PDE3A: variants seen among roughly 807,000 people sequenced by gnomAD.
PDE3A encodes the protein phosphodiesterase 3A, also known as cGMP-inhibited 3',5'-cyclic phosphodiesterase 3A.
PDE3A carries 43 observed loss-of-function variants against 98.3 expected under a neutral mutation model. The ratio of observed to expected loss-of-function variants is 0.44; its 90% confidence interval spans 0.34 to 0.56. The LOEUF (loss-of-function observed/expected upper bound fraction) is 0.56. Among genes scored for constraint, PDE3A ranks in the 20% least tolerant of loss-of-function variants. The pLI is 0.01. For missense variants in PDE3A, 1,427 were observed against 1,440.7 expected, an observed-to-expected ratio of 0.99 and a Z score of 0.15; for synonymous variants, 663 against 567.9, an observed-to-expected ratio of 1.17 and a Z score of -2.38.
At chr12:20,653,314 C>CA (rs1944963860) in intron 14 of PDE3A, among the ~76,000 whole-genome samples, 2 of 150,038 alleles carry the variant, frequency 1.3e-5, no homozygotes, top group African/African-American at 4.9e-5. Flanking sequence ...GAAGCCAAAG[C>CA]AAAAAAAGGA....
chr12:20,611,910 T>A (rs544602511), intron 2 of PDE3A, among the ~76,000 whole-genome samples: 20 of 150,678 alleles, frequency 1.3e-4, no homozygotes, highest in South Asian at 8.3e-4. Flanking sequence ...AAAAAAAAAA[T>A]TTATCTACTT....
chr12:20,530,831 T>C (rs1172793321), intron 1 of PDE3A, among the ~76,000 whole-genome samples: 1 of 152,232 alleles, frequency 6.6e-6, no homozygotes, highest in African/African-American at 2.4e-5. Flanking sequence ...GTTCTTTTTG[T>C]AGAAATTAAT....
chr12:20,437,623 A>C (rs1168851759), intron 1 of PDE3A, among the ~76,000 whole-genome samples: 1 of 152,070 alleles, frequency 6.6e-6, no homozygotes. Flanking sequence ...GGTGCCACAC[A>C]CTCGTAAACA....
chr12:20,444,415 C>G (rs1420856799), intron 1 of PDE3A, among the ~76,000 whole-genome samples: 1 of 152,092 alleles, frequency 6.6e-6, no homozygotes, highest in Non-Finnish European at 1.5e-5. Context: ...ATTCAAAAAC[C>G]AAAACCAAAC....
chr12:20,445,061 A>G (rs1397955178), intron 1 of PDE3A, among the ~76,000 whole-genome samples: 1 of 152,192 alleles, frequency 6.6e-6, no homozygotes, highest in Non-Finnish European at 1.5e-5. Context: ...CTAGTAAAAT[A>G]ACTCCAAAGC....
rs758438564 is a variant in PDE3A at position 20,467,872 on chromosome 12, T to C, written c.961-88788T>C. Among the ~76,000 whole-genome samples, 9 of 123,506 alleles carry C rather than the reference T, an allele frequency of 7.3e-5. No homozygotes were observed. In the South Asian group the frequency reaches 1.6e-3, roughly 23 times the overall value. 81.0% of individuals were successfully genotyped at this position (123,506 alleles called of 152,430 possible). On this transcript the variant is annotated intron_variant, in intron 1 of 15. Transcript: ENST00000359062. ...ATCACTTGAACCCGGGAGGCGGAGG[T>C]TGCAGTGAGCTGAGATTGGGCCACT...
At chr12:20,572,470 A>G (rs915713230) in intron 2 of PDE3A, among the ~76,000 whole-genome samples, 10 of 152,060 alleles carry the variant, frequency 6.6e-5, no homozygotes, top group Middle Eastern at 3.2e-3. Context: ...TAAACTCCCA[A>G]ATGAAAACCA....
intron 1 of PDE3A, among the ~76,000 whole-genome samples, chr12:20,425,362 G>C (rs1015758887): frequency 4.6e-5 from 7 of 152,000 alleles, no homozygotes; most frequent in Non-Finnish European, 1.0e-4. Flanking sequence ...CTCAACATGT[G>C]TCTCTTTAAA....
chr12:20,529,047 A>G (rs984937812), intron 1 of PDE3A, among the ~76,000 whole-genome samples: 4 of 152,172 alleles, frequency 2.6e-5, no homozygotes, highest in Admixed American at 6.5e-5. Flanking sequence ...TTCAAATTTT[A>G]AATATGTTCT....
intron 15 of PDE3A, among the ~76,000 whole-genome samples, chr12:20,673,004 A>T (rs1945530691): frequency 6.6e-6 from 1 of 151,600 alleles, no homozygotes; most frequent in East Asian, 1.9e-4. Context: ...AATTTACAAG[A>T]AAAAAACAAA....
rs80195019 is a variant in PDE3A at position 20,520,016 on chromosome 12, T to G, written c.961-36644T>G. Reference sequence around the variant, plus strand: ...TGATTCGGATTTAAAGAAGTTTGCCTAAGGTGACATCGCTATTCAGTGAGG... The same window carrying G: ...TGATTCGGATTTAAAGAAGTTTGCCGAAGGTGACATCGCTATTCAGTGAGG... On this transcript the variant is annotated intron_variant, in intron 1 of 15. Coordinates refer to ENST00000359062, the MANE Select transcript of PDE3A (RefSeq NM_000921.5). 3.9e-5 allele frequency among the ~76,000 whole-genome samples: 6 copies of G among 152,298 alleles called. No homozygotes were observed. In the East Asian group the frequency reaches 1.2e-3, roughly 29 times the overall value.
intron 1 of PDE3A, among the ~76,000 whole-genome samples, chr12:20,550,290 C>A (rs1252143311): frequency 2.6e-5 from 4 of 152,176 alleles, no homozygotes; most frequent in African/African-American, 9.6e-5. Context: ...TGTAAATCTT[C>A]CAGAAGATTT....
chr12:20,477,442 T>A (rs964032573), intron 1 of PDE3A, among the ~76,000 whole-genome samples: 1 of 152,176 alleles, frequency 6.6e-6, no homozygotes, highest in Non-Finnish European at 1.5e-5. Context: ...CAGTTGCTGA[T>A]CGGCAATAAT....
At chr12:20,393,016 C>A (rs1203325291) in intron 1 of PDE3A, among the ~76,000 whole-genome samples, 1 of 151,702 alleles carries the variant, frequency 6.6e-6, no homozygotes. Context: ...TTAATGGATA[C>A]AAACATACAA....
chr12:20,507,662 G>A (rs1169884168), intron 1 of PDE3A, among the ~76,000 whole-genome samples: 1 of 151,994 alleles, frequency 6.6e-6, no homozygotes, highest in Non-Finnish European at 1.5e-5. Flanking sequence ...ACAGCTGATG[G>A]CAACTCCAAC....
At chr12:20,431,619 A>G (rs1351585651) in intron 1 of PDE3A, among the ~76,000 whole-genome samples, 4 of 151,170 alleles carry the variant, frequency 2.6e-5, no homozygotes, top group African/African-American at 7.4e-5. Flanking sequence ...ACACACACAC[A>G]CACGCACACA....
At chr12:20,374,421 C>G (rs1943534305) in intron 1 of PDE3A, among the ~76,000 whole-genome samples, 1 of 152,002 alleles carries the variant, frequency 6.6e-6, no homozygotes, top group South Asian at 2.1e-4. Context: ...GCTGTGTATG[C>G]TGGGCTGTCA....
At chr12:20,631,595 T>C (rs1238945385) in intron 6 of PDE3A, among the ~76,000 whole-genome samples, 2 of 151,534 alleles carry the variant, frequency 1.3e-5, no homozygotes, top group Non-Finnish European at 2.9e-5. Context: ...TTAGGGAGAG[T>C]CTCCCACTGT....
At chr12:20,654,508 G>GT (rs1217476698) in intron 15 of PDE3A, among the ~76,000 whole-genome samples, 4 of 151,776 alleles carry the variant, frequency 2.6e-5, no homozygotes, top group Non-Finnish European at 4.4e-5. Context: ...TTTGTTTTTT[G>GT]TTTTTTGAGG....
Sources: gnomAD v4.1 joint callset for allele counts (sites outside exome capture counted in the v4.1 genomes callset) on GRCh38, gnomAD v4.1.1 for gene constraint, MANE v1.5 for transcripts, NCBI Gene and HGNC (gene_info 2026-07-23, HGNC 2026-07-21) for gene names.